The following RIMS2 variants were observed in gnomAD, a reference collection of about 807,000 sequenced individuals.
RIMS2 encodes the protein regulating synaptic membrane exocytosis 2, also known as regulating synaptic membrane exocytosis protein 2.
Under a neutral mutation model 174.4 loss-of-function variants are expected in RIMS2, and 59 were observed. That is an observed-to-expected ratio of 0.34 (90% CI 0.27 to 0.42). The LOEUF (loss-of-function observed/expected upper bound fraction) is 0.42. Ranked by LOEUF, RIMS2 falls within the 10% of genes least tolerant of loss-of-function variation. RIMS2 has a pLI of 1.00. For missense variants in RIMS2, 1,620 were observed against 1,666.3 expected (o/e 0.97, Z 0.48); for synonymous variants, 606 against 572.5 (o/e 1.06, Z -0.84).
chr8:103,605,298 A>G (rs1183506702), intron 1 of RIMS2, among the ~76,000 whole-genome samples: 1 of 144,850 alleles, frequency 6.9e-6, no homozygotes, highest in African/African-American at 2.7e-5. Flanking sequence ...ATGCTGGATT[A>G]CATTTATTGA....
chr8:104,172,997 G>A (rs1232323547), intron 19 of RIMS2, among the ~76,000 whole-genome samples: 3 of 152,072 alleles, frequency 2.0e-5, no homozygotes, highest in East Asian at 1.9e-4. Flanking sequence ...AAAGAGTGGC[G>A]TTTTCCACTA....
chr8:104,090,619 A>T (rs2097636074), intron 19 of RIMS2, among the ~76,000 whole-genome samples: 1 of 151,734 alleles, frequency 6.6e-6, no homozygotes, highest in Admixed American at 6.6e-5. Flanking sequence ...GTCAGCCAAG[A>T]AGTGTCATAT....
At chr8:103,910,499 C>T in intron 5 of RIMS2, 4 of 1,596,128 alleles carry the variant, frequency 2.5e-6, no homozygotes, top group Non-Finnish European at 3.4e-6. Context: ...GTAGCACAAC[C>T]CTTAACGAGG....
At chr8:103,831,958 G>T (rs903960595) in intron 3 of RIMS2, among the ~76,000 whole-genome samples, 1 of 152,186 alleles carries the variant, frequency 6.6e-6, no homozygotes. Context: ...TGTCTCATGG[G>T]TCTAACCCTT....
At chr8:103,784,375 T>A (rs2098420881) in intron 3 of RIMS2, among the ~76,000 whole-genome samples, 2 of 150,208 alleles carry the variant, frequency 1.3e-5, no homozygotes, top group Non-Finnish European at 3.0e-5. Context: ...ATGCCTAGGT[T>A]TTCTTCTAGG....
intron 1 of RIMS2, among the ~76,000 whole-genome samples, chr8:103,676,429 A>G (rs1047110612): frequency 2.0e-5 from 3 of 152,174 alleles, no homozygotes; most frequent in African/African-American, 4.8e-5. Context: ...AAGCAAGTCT[A>G]CTTTACCTGA....
At chr8:103,999,003 C>G (rs1302801391) in intron 17 of RIMS2, among the ~76,000 whole-genome samples, 3 of 151,686 alleles carry the variant, frequency 2.0e-5, no homozygotes, top group Non-Finnish European at 4.4e-5. Context: ...GAAAAGTTCT[C>G]AAGGCTGTAT....
At position 104,023,337 on chromosome 8, in the gene RIMS2, C is replaced by T. The variant is rs190856213; in HGVS notation, c.3334+8722C>T. On this transcript the variant is annotated intron_variant, in intron 19 of 23. Coordinates refer to ENST00000504942, the Ensembl canonical transcript of RIMS2. ...TGTCAATTACTACATTGAGAATACC[C>T]TGAAGAATTAAGATTGCAAACAGGG... 3.1e-3 allele frequency among the ~76,000 whole-genome samples: 468 copies of T among 151,702 alleles called. 2 individuals carry two copies. Among genetic ancestry groups the T allele is most frequent in the African/African-American group, 0.01 (414 of 41,294 alleles).
intron 3 of RIMS2, among the ~76,000 whole-genome samples, chr8:103,867,707 CTAA>C (rs1249808170): frequency 2.6e-5 from 4 of 151,750 alleles, no homozygotes; most frequent in African/African-American, 9.7e-5. Context: ...GCATGTACTT[CTAA>C]TGTTAGAAAA....
At chr8:103,586,988 CAT>C (rs2093957477) in intron 1 of RIMS2, among the ~76,000 whole-genome samples, 3 of 151,906 alleles carry the variant, frequency 2.0e-5, no homozygotes. Flanking sequence ...TCAATAATAA[CAT>C]TGAATGTAAA....
rs2099357936 is a variant in RIMS2, at chr8:104,251,173, T to A, written c.3831+10T>A. ...AGGAAAAGTTTTACAGGTATCTACT[T>A]AATTGTTTATCCCTTACCTAAGAAA... On this transcript the variant is annotated intron_variant, in intron 23 of 23. Coordinates refer to ENST00000504942, the Ensembl canonical transcript of RIMS2. The A allele has an allele frequency of 6.2e-7, 1 of 1,601,254 alleles. No homozygotes were observed. The highest frequency in any genetic ancestry group is 8.5e-7 in the Non-Finnish European group (1 of 1,171,622).
At chr8:103,606,054 G>A (rs978294115) in intron 1 of RIMS2, among the ~76,000 whole-genome samples, 20 of 146,592 alleles carry the variant, frequency 1.4e-4, no homozygotes, top group African/African-American at 2.1e-4. Context: ...TTTTGAATGT[G>A]TTTGCTCTTG....
Position 104,145,507 on chromosome 8 carries a change from C to G in RIMS2, c.3335-99409C>G, listed in dbSNP as rs115247702. On this transcript the variant is annotated intron_variant, in intron 19 of 23. Coordinates refer to ENST00000504942, the Ensembl canonical transcript of RIMS2. ...AAACTTTAAACACTTTTTCAAAAATCAAGAGTCCCAAAACTTTAAAAATTT... is the reference window on the plus strand; with the variant it reads ...AAACTTTAAACACTTTTTCAAAAATGAAGAGTCCCAAAACTTTAAAAATTT... Among the ~76,000 whole-genome samples the G allele has an allele frequency of 6.4e-3, 896 of 140,538 alleles. 15 individuals carry two copies. The highest frequency in any genetic ancestry group is 0.022 in the African/African-American group (840 of 37,984). The allele number at this position is 140,538 out of a possible 152,430, so 92.2% of individuals were successfully genotyped here.
intron 19 of RIMS2, among the ~76,000 whole-genome samples, chr8:104,195,667 G>A (rs757147102): frequency 7.9e-5 from 12 of 151,730 alleles, no homozygotes; most frequent in African/African-American, 1.4e-4. Context: ...GGCACACGTC[G>A]CCATGCCTGG....
At chr8:103,611,533 A>T (rs1172006493) in intron 1 of RIMS2, among the ~76,000 whole-genome samples, 3 of 146,090 alleles carry the variant, frequency 2.1e-5, no homozygotes, top group Admixed American at 6.8e-5. Context: ...GTTGGGAGGA[A>T]TTTTTTTTTT....
chr8:103,591,424 G>A (rs1343881116), intron 1 of RIMS2, among the ~76,000 whole-genome samples: 3 of 150,578 alleles, frequency 2.0e-5, no homozygotes, highest in Admixed American at 1.3e-4. Context: ...GATGAAATTG[G>A]ATTTATCACT....
At chr8:103,676,811 T>G (rs2096820652) in intron 1 of RIMS2, among the ~76,000 whole-genome samples, 1 of 151,988 alleles carries the variant, frequency 6.6e-6, no homozygotes, top group South Asian at 2.1e-4. Flanking sequence ...GGTGAAACAC[T>G]GTCTCTACTA....
intron 1 of RIMS2, among the ~76,000 whole-genome samples, chr8:103,677,988 G>T (rs1484260971): frequency 6.6e-6 from 1 of 152,152 alleles, no homozygotes; most frequent in South Asian, 2.1e-4. Context: ...GTTACAGTCT[G>T]TGTATACATC....
At chr8:104,168,662 C>T (rs978670642) in intron 19 of RIMS2, among the ~76,000 whole-genome samples, 1 of 151,774 alleles carries the variant, frequency 6.6e-6, no homozygotes, top group African/African-American at 2.4e-5. Flanking sequence ...CATCTGCTCT[C>T]GCTAGCACTT....
Sources: gnomAD v4.1 joint callset for allele counts (sites outside exome capture counted in the v4.1 genomes callset) on GRCh38, gnomAD v4.1.1 for gene constraint, MANE v1.5 for transcripts, NCBI Gene and HGNC (gene_info 2026-07-23, HGNC 2026-07-21) for gene names.